KCNH7: variants seen among roughly 807,000 people sequenced by gnomAD.
The protein encoded by KCNH7 is potassium voltage-gated channel subfamily H member 7, also known as voltage-gated inwardly rectifying potassium channel KCNH7.
In KCNH7, 49 loss-of-function variants were observed where a neutral mutation model predicts 120.8. The observed-to-expected ratio is 0.41, with a 90% CI of 0.32 to 0.51. KCNH7 has a LOEUF of 0.51. Ranked by LOEUF, KCNH7 falls within the 20% of genes least tolerant of loss-of-function variation. The pLI, the probability that KCNH7 is intolerant of heterozygous loss-of-function variation, is 0.38. For missense variants in KCNH7, 1,097 were observed against 1,446.6 expected, an observed-to-expected ratio of 0.76 and a Z score of 3.92; for synonymous variants, 547 against 516.1, an observed-to-expected ratio of 1.06 and a Z score of -0.81.
At chr2:162,564,469 T>C (rs1248874193) in intron 2 of KCNH7, among the ~76,000 whole-genome samples, 4 of 152,166 alleles carry the variant, frequency 2.6e-5, no homozygotes, top group Non-Finnish European at 4.4e-5. Flanking sequence ...CCTGAGGAAA[T>C]TGGGGTCCAG....
intron 2 of KCNH7, among the ~76,000 whole-genome samples, chr2:162,631,511 C>G (rs1161486309): frequency 1.3e-5 from 2 of 151,990 alleles, no homozygotes; most frequent in Non-Finnish European, 2.9e-5. Flanking sequence ...AATTCATACA[C>G]TATTATTTCT....
At chr2:162,808,349 A>G (rs1049703207) in intron 2 of KCNH7, among the ~76,000 whole-genome samples, 1 of 152,150 alleles carries the variant, frequency 6.6e-6, no homozygotes, top group Non-Finnish European at 1.5e-5. Flanking sequence ...AAGGCTCTGG[A>G]TCTATGGGTA....
intron 2 of KCNH7, among the ~76,000 whole-genome samples, chr2:162,726,514 G>A (rs572104984): frequency 6.6e-5 from 10 of 152,250 alleles, no homozygotes; most frequent in African/African-American, 2.4e-4. Context: ...CCGCCTCCCG[G>A]ATTCAAGTGA....
At chr2:162,520,762 C>T (rs894480952) in intron 3 of KCNH7, among the ~76,000 whole-genome samples, 4 of 151,776 alleles carry the variant, frequency 2.6e-5, no homozygotes, top group African/African-American at 9.7e-5. Flanking sequence ...GAGAGAGACC[C>T]TATCTCTAAA....
At chr2:162,482,306 G>A (rs1689955721) in intron 6 of KCNH7, among the ~76,000 whole-genome samples, 1 of 152,180 alleles carries the variant, frequency 6.6e-6, no homozygotes, top group African/African-American at 2.4e-5. Flanking sequence ...GACAAGGGGA[G>A]TTTAAAGAAG....
intron 6 of KCNH7, among the ~76,000 whole-genome samples, chr2:162,465,511 G>A (rs891072592): frequency 6.6e-6 from 1 of 152,096 alleles, no homozygotes. Flanking sequence ...TTAATGGCAG[G>A]TTTCTGCATA....
intron 6 of KCNH7, among the ~76,000 whole-genome samples, chr2:162,480,105 TA>T (rs145016162): frequency 0.018 from 2,791 of 152,176 alleles, 82 homozygotes; most frequent in African/African-American, 0.064. Context: ...GATTATGCTA[TA>T]AAAAATGGAG....
At chr2:162,375,472 A>G (rs1381040136) in intron 14 of KCNH7, among the ~76,000 whole-genome samples, 2 of 152,214 alleles carry the variant, frequency 1.3e-5, no homozygotes, top group Non-Finnish European at 2.9e-5. Context: ...ACATCCAGTA[A>G]TTGCAGCACA....
At chr2:162,580,575 A>G (rs1693834163) in intron 2 of KCNH7, among the ~76,000 whole-genome samples, 1 of 152,066 alleles carries the variant, frequency 6.6e-6, no homozygotes, top group Non-Finnish European at 1.5e-5. Context: ...ATGCAACTCA[A>G]TCCAACATTT....
chr2:162,485,456 T>G (rs1196205294), intron 6 of KCNH7, among the ~76,000 whole-genome samples: 1 of 152,228 alleles, frequency 6.6e-6, no homozygotes, highest in African/African-American at 2.4e-5. Flanking sequence ...ATTTAGAAAA[T>G]ACTTTTGCTT....
intron 6 of KCNH7, among the ~76,000 whole-genome samples, chr2:162,469,336 C>CAATTG (rs1177842497): frequency 6.6e-6 from 1 of 152,092 alleles, no homozygotes; most frequent in Non-Finnish European, 1.5e-5. Context: ...TGCTTTTGAC[C>CAATTG]CTGTACCAGA....
chr2:162,479,666 T>TGTGC (rs1313238057), intron 6 of KCNH7, among the ~76,000 whole-genome samples: 63 of 135,192 alleles, frequency 4.7e-4, no homozygotes, highest in African/African-American at 1.8e-3. Context: ...ATTGTGTGTG[T>TGTGC]GTGTGCATGT....
At chr2:162,651,888 T>C (rs1350855904) in intron 2 of KCNH7, among the ~76,000 whole-genome samples, 1 of 152,218 alleles carries the variant, frequency 6.6e-6, no homozygotes, top group Non-Finnish European at 1.5e-5. Context: ...TTTTTAATAA[T>C]AGTCATTCTG....
intron 2 of KCNH7, among the ~76,000 whole-genome samples, chr2:162,538,648 C>T (rs1049025693): frequency 6.6e-6 from 1 of 152,052 alleles, no homozygotes; most frequent in Non-Finnish European, 1.5e-5. Flanking sequence ...TCTTTCCTTT[C>T]TTCTTATCCT....
At chr2:162,539,347 C>T (rs975601037) in intron 2 of KCNH7, among the ~76,000 whole-genome samples, 3 of 151,916 alleles carry the variant, frequency 2.0e-5, no homozygotes, top group African/African-American at 4.8e-5. Context: ...ATTGTGAATT[C>T]GCACATTTGC....
chr2:162,723,035 C>G (rs1285468030), intron 2 of KCNH7, among the ~76,000 whole-genome samples: 1 of 151,138 alleles, frequency 6.6e-6, no homozygotes, highest in Non-Finnish European at 1.5e-5. Flanking sequence ...ATCCTGTTGA[C>G]CTTGTTGAGC....
Position 162,673,573 on chromosome 2 carries a change from C to T in KCNH7, c.308-136493G>A, listed in dbSNP as rs529804179. ...ATGCCCAATTGCATGATTTGGTTTT[C>T]TCCCTTGCACTTTTGCTTTCTGCCA... On this transcript the variant is annotated intron_variant, in intron 2 of 15. Coordinates refer to ENST00000332142, the MANE Select transcript of KCNH7 (RefSeq NM_033272.4). Among the ~76,000 whole-genome samples the T allele has an allele frequency of 9.9e-5, 15 of 152,152 alleles. No homozygotes were observed. In the South Asian group the frequency reaches 2.9e-3, roughly 29 times the overall value.
At chr2:162,591,500 A>G (rs914197714) in intron 2 of KCNH7, among the ~76,000 whole-genome samples, 2 of 152,064 alleles carry the variant, frequency 1.3e-5, no homozygotes, top group African/African-American at 4.8e-5. Flanking sequence ...ACAAACACAC[A>G]CTCACAAAAA....
chr2:162,585,084 C>T (rs967958298), intron 2 of KCNH7, among the ~76,000 whole-genome samples: 3 of 151,906 alleles, frequency 2.0e-5, no homozygotes, highest in Non-Finnish European at 4.4e-5. Flanking sequence ...CTCCTGCAGC[C>T]GGCCTGGGTT....
Sources: gnomAD v4.1 joint callset for allele counts (sites outside exome capture counted in the v4.1 genomes callset) on GRCh38, gnomAD v4.1.1 for gene constraint, MANE v1.5 for transcripts, NCBI Gene and HGNC (gene_info 2026-07-23, HGNC 2026-07-21) for gene names.